The following EML5 variants were observed in gnomAD, a reference collection of about 807,000 sequenced individuals.
EML5 encodes EMAP like 5.
EML5 carries 120 observed loss-of-function variants against 250.0 expected under a neutral mutation model. The observed-to-expected ratio is 0.48, with a 90% CI of 0.41 to 0.56. The LOEUF (loss-of-function observed/expected upper bound fraction) is 0.56, where lower values mean the gene tolerates loss of function less well. Ranked by LOEUF, EML5 falls within the 20% of genes least tolerant of loss-of-function variation. The probability of loss-of-function intolerance (pLI) is 0.00; values close to 1 mark genes in which losing one functional copy is unlikely to be tolerated. For missense variants in EML5, 2,006 were observed against 2,437.6 expected (o/e 0.82, Z 3.73); for synonymous variants, 771 against 806.5 (o/e 0.96, Z 0.75).
chr14:88,626,707 T>C (rs2089991441), intron 35 of EML5, 131 bp downstream of exon 35: 3 of 886,470 alleles, frequency 3.4e-6, no homozygotes, highest in South Asian at 1.8e-5. Context: ...AGATGAAATA[T>C]ATGCTTGACC....
intron 27 of EML5, among the ~76,000 whole-genome samples, chr14:88,651,487 G>A (rs1303652896): frequency 6.6e-6 from 1 of 151,880 alleles, no homozygotes; most frequent in Non-Finnish European, 1.5e-5. Flanking sequence ...CGTGAATGAA[G>A]CAGACTACAG....
chr14:88,649,901 A>T lies in EML5; in HGVS notation c.4019+11T>A. ...TTTTGAATAAAATATTTTCTTTTAT[A>T]AAACACTTACCTTACTACTCCCTGC... On this transcript the variant is annotated intron_variant, in intron 28 of 43. Transcript: ENST00000554922. 6.7e-7 allele frequency: 1 copy of T among 1,493,476 alleles called. No individual in the cohort carries two copies. The highest frequency in any genetic ancestry group is 2.5e-5 in the East Asian group (1 of 39,826). 92.5% of individuals were successfully genotyped at this position (1,493,476 alleles called of 1,614,324 possible). A position where few individuals can be genotyped will look rare whatever the true frequency, so the allele number is the denominator to read the frequency against.
At position 88,687,294 on chromosome 14, in the gene EML5, C is replaced by T; in HGVS notation, c.2776G>A (p.Ala926Thr). The T allele has an allele frequency of 6.2e-7, 1 of 1,611,066 alleles. No homozygotes were observed. The highest frequency in any genetic ancestry group is 8.5e-7 in the Non-Finnish European group (1 of 1,178,928). The change falls in exon 19 of 44, where the codon GCT becomes ACT. Residue 926 changes from alanine to threonine, a missense_variant. By Grantham distance (58) the Ala-to-Thr change is moderately conservative (BLOSUM62 0). This residue lies in a region of EML5 where 1,375 missense variants were observed against 1,590.3 expected (regional missense o/e 0.86). Coordinates refer to ENST00000554922, the MANE Select transcript of EML5 (RefSeq NM_183387.3). ...CTTTCAAAAGAGTCATCCCAAAGAGCTACTATACCATCTTTTCCTCCAGTT... is the reference window on the plus strand; with the variant it reads ...CTTTCAAAAGAGTCATCCCAAAGAGTTACTATACCATCTTTTCCTCCAGTT... ...FVTGGKDGIV[A>T]LWDDSFERCL...
At chr14:88,662,579 G>A (rs1181823151) in intron 24 of EML5, among the ~76,000 whole-genome samples, 3 of 123,484 alleles carry the variant, frequency 2.4e-5, no homozygotes, top group Admixed American at 9.2e-5. Flanking sequence ...GTCTCACTTT[G>A]TCACCCAGGC....
chr14:88,655,191 C>CA (rs2140874240), intron 27 of EML5, among the ~76,000 whole-genome samples: 1 of 152,150 alleles, frequency 6.6e-6, no homozygotes, highest in African/African-American at 2.4e-5. Flanking sequence ...GTAAAAAGAA[C>CA]AAAGCTGGAG....
chr14:88,649,697 A>T (rs143579075), intron 28 of EML5, among the ~76,000 whole-genome samples: 212 of 152,326 alleles, frequency 1.4e-3, no homozygotes, highest in African/African-American at 4.7e-3. Context: ...GTCATATGTA[A>T]AACAATTTAT....
intron 32 of EML5, 135 bp from the exon 33 acceptor site, chr14:88,634,624 A>G: frequency 2.3e-6 from 1 of 430,382 alleles, no homozygotes; most frequent in Non-Finnish European, 4.1e-6. Flanking sequence ...AAACTGTAAG[A>G]GAAGGCACTC....
intron 28 of EML5, among the ~76,000 whole-genome samples, chr14:88,649,014 T>C (rs1011359937): frequency 3.9e-5 from 6 of 151,972 alleles, no homozygotes; most frequent in Non-Finnish European, 8.8e-5. Flanking sequence ...AGCATTTTCC[T>C]AGTGATACCT....
In EML5 at chr14:88,694,947, T is replaced by TA. The variant is rs1391641814; in HGVS notation, c.2438+413dup. On this transcript the variant is annotated intron_variant, in intron 16 of 43. Coordinates refer to ENST00000554922, the MANE Select transcript of EML5 (RefSeq NM_183387.3). ...AAATACATGCTCACTGTAGAAAACT[T>TA]AGAAAATGAAGAAAAATATAAGAAA... 1.5e-3 allele frequency among the ~76,000 whole-genome samples: 221 copies of TA among 152,192 alleles called. 3 individuals carry two copies. The highest frequency in any genetic ancestry group is 3.7e-4 in the Non-Finnish European group (25 of 67,974).
At chr14:88,773,931 C>T (rs1281098340) in intron 1 of EML5, among the ~76,000 whole-genome samples, 1 of 152,060 alleles carries the variant, frequency 6.6e-6, no homozygotes, top group Non-Finnish European at 1.5e-5. Flanking sequence ...CCAGCCTGGC[C>T]AACATGGTAA....
chr14:88,712,219 C>A, intron 10 of EML5, 52 bp downstream of exon 10: 1 of 1,306,400 alleles, frequency 7.7e-7, no homozygotes, highest in South Asian at 1.3e-5. Context: ...TGCAAGAACA[C>A]GAAAGTCTTC....
chr14:88,645,674 A>G (rs1452216229), intron 29 of EML5, among the ~76,000 whole-genome samples: 1 of 152,218 alleles, frequency 6.6e-6, no homozygotes, highest in Admixed American at 6.5e-5. Context: ...TGGCATTGCC[A>G]TCAGATGGTT....
At chr14:88,750,648 AAAAG>A (rs759281789) in intron 2 of EML5, among the ~76,000 whole-genome samples, 1 of 152,224 alleles carries the variant, frequency 6.6e-6, no homozygotes. Flanking sequence ...ACAATTTCTG[AAAAG>A]AAAGTTTTAC....
chr14:88,764,162 G>C (rs2094289197), intron 1 of EML5, among the ~76,000 whole-genome samples: 1 of 152,088 alleles, frequency 6.6e-6, no homozygotes, highest in Non-Finnish European at 1.5e-5. Flanking sequence ...TTATTTTGTT[G>C]AGAATTTTTA....
At position 88,621,190 on chromosome 14, in the gene EML5, C is replaced by T; in HGVS notation, c.5125G>A (p.Ala1709Thr). 1 of 1,613,932 alleles carries T rather than the reference C, an allele frequency of 6.2e-7. No homozygotes were observed. The highest frequency in any genetic ancestry group is 8.5e-7 in the Non-Finnish European group (1 of 1,179,866). The change falls in exon 38 of 44, where the codon GCA (alanine) becomes ACA (threonine). Residue 1709 changes from alanine (A) to threonine (T), a missense_variant. By Grantham distance (58) the Ala-to-Thr change is moderately conservative (BLOSUM62 0). This residue lies in a region of EML5 where 405 missense variants were observed against 523.3 expected (regional missense o/e 0.77). Coordinates refer to ENST00000554922, the MANE Select transcript of EML5 (RefSeq NM_183387.3). ...GHVDGPIWGL[A>T]THPSRDFFLS... The stretch of plus-strand genomic sequence containing the variant: ...AAAAAATCCCTGGAAGGATGTGTTG[C>T]TAGTCCCCAGATTGGCCCATCCACA...
Position 88,663,984 on chromosome 14 carries a change from T to C in EML5, c.3409+509A>G, listed in dbSNP as rs1191939066. On this transcript the variant is annotated intron_variant, in intron 23 of 43. Coordinates refer to ENST00000554922, the MANE Select transcript of EML5 (RefSeq NM_183387.3). ...TATTTGAACGATATTAGGTGAAGTA[T>C]TGAAAAGTGTAGGTTGGGTGCAGTG... Among the ~76,000 whole-genome samples the C allele has an allele frequency of 3.3e-5, 5 of 152,072 alleles. No individual in the cohort carries two copies. In the East Asian group the frequency reaches 7.7e-4, roughly 24 times the overall value.
At chr14:88,660,950 A>G (rs954854463) in intron 25 of EML5, among the ~76,000 whole-genome samples, 7 of 152,156 alleles carry the variant, frequency 4.6e-5, no homozygotes, top group Admixed American at 2.6e-4. Context: ...TAATTTTATA[A>G]GTGTAAGTAT....
At chr14:88,786,827 C>T (rs1188318427) in intron 1 of EML5, among the ~76,000 whole-genome samples, 1 of 152,188 alleles carries the variant, frequency 6.6e-6, no homozygotes, top group Non-Finnish European at 1.5e-5. Context: ...ACTGTCAATC[C>T]AATTAAACCT....
intron 1 of EML5, among the ~76,000 whole-genome samples, chr14:88,760,468 A>C (rs543117478): frequency 3.5e-5 from 5 of 144,770 alleles, no homozygotes; most frequent in South Asian, 2.2e-4. Context: ...TCAATTGACC[A>C]TATCTATATT....
Sources: allele counts gnomAD v4.1 joint callset (sites outside exome capture counted in the v4.1 genomes callset), GRCh38; gene constraint gnomAD v4.1.1; regional missense constraint gnomAD v4.1.1; transcripts MANE v1.5; gene names NCBI Gene and HGNC (gene_info 2026-07-23, HGNC 2026-07-21).